The following PRORP variants were observed in gnomAD, a reference collection of about 807,000 sequenced individuals.
PRORP encodes mitochondrial ribonuclease P catalytic subunit.
Under a neutral mutation model 59.4 loss-of-function variants are expected in PRORP, and 51 were observed. The observed-to-expected ratio is 0.86, with a 90% CI of 0.69 to 1.08. The LOEUF is 1.08. Among genes scored for constraint, PRORP ranks in the 50% least tolerant of loss-of-function variants. PRORP has a pLI of 0.00. For synonymous variants in PRORP, 231 were observed against 245.6 expected (o/e 0.94, Z 0.55); for missense variants, 646 against 690.3 (o/e 0.94, Z 0.72).
intron 5 of PRORP, among the ~76,000 whole-genome samples, chr14:35,240,315 G>GTTTTTTTT (rs5807821): frequency 4.6e-5 from 6 of 129,330 alleles, no homozygotes; most frequent in Admixed American, 7.9e-5. Flanking sequence ...TTTTTTTTTG[G>GTTTTTTTT]TTTAAAATTT....
chr14:35,205,323 A>G (rs564758913), intron 5 of PRORP, among the ~76,000 whole-genome samples: 191 of 152,322 alleles, frequency 1.3e-3, no homozygotes, highest in African/African-American at 4.5e-3. Context: ...CTGGGATTAC[A>G]GGCTAATGCC....
At chr14:35,252,138 A>G (rs1432836208) in intron 5 of PRORP, among the ~76,000 whole-genome samples, 2 of 152,230 alleles carry the variant, frequency 1.3e-5, no homozygotes, top group African/African-American at 2.4e-5. Flanking sequence ...CCAGAAGTCA[A>G]TCATGACCAG....
chr14:35,245,927 A>C (rs919887637), intron 5 of PRORP, among the ~76,000 whole-genome samples: 1 of 152,120 alleles, frequency 6.6e-6, no homozygotes, highest in East Asian at 1.9e-4. Context: ...AATTTTTATG[A>C]GTTTCCGTGT....
intron 5 of PRORP, among the ~76,000 whole-genome samples, chr14:35,210,287 A>G (rs1188570141): frequency 6.6e-6 from 1 of 152,214 alleles, no homozygotes; most frequent in Non-Finnish European, 1.5e-5. Context: ...TTACTTGTCA[A>G]AAAACATCTA....
chr14:35,262,000 C>A (rs2050916512), intron 5 of PRORP, among the ~76,000 whole-genome samples: 1 of 152,098 alleles, frequency 6.6e-6, no homozygotes, highest in Admixed American at 6.6e-5. Context: ...CTTTTCTGCT[C>A]TTCTTTGGGC....
intron 4 of PRORP, among the ~76,000 whole-genome samples, chr14:35,131,072 A>G (rs1267609548): frequency 6.6e-6 from 1 of 151,420 alleles, no homozygotes; most frequent in Non-Finnish European, 1.5e-5. Context: ...GCCTCTGAAT[A>G]GCTAGGATTA....
At chr14:35,227,998 CCGGG>C in intron 5 of PRORP, among the ~76,000 whole-genome samples, 1 of 152,044 alleles carries the variant, frequency 6.6e-6, no homozygotes, top group East Asian at 1.9e-4. Flanking sequence ...CAAAAATTAG[CCGGG>C]CGTGGTGGCA....
At chr14:35,265,522 A>G (rs1247147976) in intron 5 of PRORP, among the ~76,000 whole-genome samples, 4 of 152,196 alleles carry the variant, frequency 2.6e-5, no homozygotes, top group Non-Finnish European at 5.9e-5. Context: ...TGTGCACACA[A>G]TGAAGTGGAG....
At chr14:35,256,904 G>A (rs1430876260) in intron 5 of PRORP, among the ~76,000 whole-genome samples, 3 of 144,016 alleles carry the variant, frequency 2.1e-5, no homozygotes, top group East Asian at 2.0e-4. Flanking sequence ...ACCGAGTCTC[G>A]CTCTGTTGCC....
chr14:35,226,062 T>C (rs750128370), intron 5 of PRORP, among the ~76,000 whole-genome samples: 8 of 152,172 alleles, frequency 5.3e-5, no homozygotes, highest in Non-Finnish European at 8.8e-5. Flanking sequence ...TATTTTACTA[T>C]AGTTGGTATA....
Position 35,266,864 on chromosome 14 carries a change from T to C in PRORP, c.1413T>C (p.Phe471=). The C allele has an allele frequency of 6.2e-7, 1 of 1,614,172 alleles. No individual in the cohort carries two copies. Among genetic ancestry groups the C allele is most frequent in the Non-Finnish European group, 8.5e-7 (1 of 1,180,030 alleles). ...EEVQKQASCF[F]ADDISEDDPF... ...TGCAAAAGCAAGCCAGCTGTTTTTT[T>C]GCTGATGACATGTAAGTGTTGGAGG... Residue 471 remains phenylalanine, a synonymous_variant, in exon 6 of 8, where the codon TTT becomes TTC. Transcript: ENST00000534898.
rs115779892 is a variant in PRORP, at chr14:35,249,552, G to T, written c.1276-17175G>T. On this transcript the variant is annotated intron_variant, in intron 5 of 7. Transcript: ENST00000534898. ...CACAATGAACCATGATCATGCCACT[G>T]CACTGCCACCTGGATAACAGAGCAG... Among the ~76,000 whole-genome samples the T allele has an allele frequency of 5.8e-3, 882 of 152,250 alleles. 7 individuals carry two copies. The highest frequency in any genetic ancestry group is 0.021 in the African/African-American group (855 of 41,540).
chr14:35,179,009 T>G (rs2048528467), intron 4 of PRORP, among the ~76,000 whole-genome samples: 1 of 152,202 alleles, frequency 6.6e-6, no homozygotes, highest in South Asian at 2.1e-4. Flanking sequence ...AAGCTTAGTT[T>G]GGCTGGATAG....
rs374729832 is a variant in PRORP at position 35,205,790 on chromosome 14, C to T, written c.1275+25013C>T. On this transcript the variant is annotated intron_variant, in intron 5 of 7. Coordinates refer to ENST00000534898, the MANE Select transcript of PRORP (RefSeq NM_014672.4). ...TTTTGTTTGTTTGTTTTTTCTCACACCTCTCAGGGATGAAAACGTGGCTAA... is the reference window on the plus strand; with the variant it reads ...TTTTGTTTGTTTGTTTTTTCTCACATCTCTCAGGGATGAAAACGTGGCTAA... 8.1e-4 allele frequency among the ~76,000 whole-genome samples: 123 copies of T among 152,274 alleles called. 1 individual carries two copies. Among genetic ancestry groups the T allele is most frequent in the African/African-American group, 2.8e-3 (117 of 41,542 alleles).
intron 4 of PRORP, chr14:35,158,111 T>TA (rs2047963697): frequency 2.9e-5 from 8 of 273,462 alleles, no homozygotes; most frequent in Admixed American, 2.2e-4. Flanking sequence ...TTTTTTTTTT[T>TA]ACCTTCATTT....
chr14:35,213,144 G>C (rs369480871), intron 5 of PRORP, among the ~76,000 whole-genome samples: 1 of 152,162 alleles, frequency 6.6e-6, no homozygotes, highest in Non-Finnish European at 1.5e-5. Context: ...TCTGGATTAC[G>C]TTTTGGTGTA....
intron 5 of PRORP, among the ~76,000 whole-genome samples, chr14:35,227,998 C>T (rs1422866235): frequency 6.6e-6 from 1 of 151,926 alleles, no homozygotes; most frequent in Admixed American, 6.6e-5. Flanking sequence ...CAAAAATTAG[C>T]CGGGCGTGGT....
intron 5 of PRORP, among the ~76,000 whole-genome samples, chr14:35,214,995 C>T (rs2049549627): frequency 6.6e-6 from 1 of 151,890 alleles, no homozygotes; most frequent in Admixed American, 6.6e-5. Flanking sequence ...TTTTTTTAAC[C>T]TTAAAATATT....
chr14:35,273,040 GTT>G (rs1364407117), intron 7 of PRORP, among the ~76,000 whole-genome samples: 2 of 151,524 alleles, frequency 1.3e-5, no homozygotes, highest in South Asian at 2.1e-4. Flanking sequence ...TGTTGTTGTT[GTT>G]TTGTTTTGTT....
Sources: gnomAD v4.1 joint callset for allele counts (sites outside exome capture counted in the v4.1 genomes callset) on GRCh38, gnomAD v4.1.1 for gene constraint, MANE v1.5 for transcripts, NCBI Gene and HGNC (gene_info 2026-07-23, HGNC 2026-07-21) for gene names.